The following ANKS1A variants were observed in gnomAD, a reference collection of about 807,000 sequenced individuals.
The protein encoded by ANKS1A is ankyrin repeat and sterile alpha motif domain containing 1A, also known as ankyrin repeat and SAM domain-containing protein 1A.
Under a neutral mutation model 120.3 loss-of-function variants are expected in ANKS1A, and 55 were observed. The observed-to-expected ratio is 0.46, with a 90% CI of 0.37 to 0.57. The LOEUF (loss-of-function observed/expected upper bound fraction) is 0.57. Among genes scored for constraint, ANKS1A ranks in the 20% least tolerant of loss-of-function variants. The pLI, the probability that ANKS1A is intolerant of heterozygous loss-of-function variation, is 0.00. For synonymous variants in ANKS1A, 590 were observed against 604.7 expected, an observed-to-expected ratio of 0.98 and a Z score of 0.36; for missense variants, 1,123 against 1,480.3, an observed-to-expected ratio of 0.76 and a Z score of 3.96.
intron 11 of ANKS1A, among the ~76,000 whole-genome samples, chr6:35,035,887 C>T (rs1475155592): frequency 2.0e-5 from 3 of 152,180 alleles, no homozygotes; most frequent in Non-Finnish European, 4.4e-5. Context: ...AGTGACTGCC[C>T]TTCACAGGTG....
chr6:35,086,488 C>A lies in ANKS1A; in HGVS notation c.3304-464C>A, dbSNP rs951444276. 4.7e-5 allele frequency: 29 copies of A among 622,082 alleles called. No individual in the cohort carries two copies. The highest frequency in any genetic ancestry group is 7.5e-5 in the African/African-American group (4 of 53,102). The allele number at this position is 622,082 out of a possible 1,614,324, so 38.5% of individuals were successfully genotyped here. Reference sequence around the variant, plus strand: ...ATTCTTTCCCCTCTTCCTGAGATGCCCTCTGCCTGTTCTGTGTGTGCTTCA... The same window carrying A: ...ATTCTTTCCCCTCTTCCTGAGATGCACTCTGCCTGTTCTGTGTGTGCTTCA... On this transcript the variant is annotated intron_variant, in intron 22 of 23. Coordinates refer to ENST00000360359, the MANE Select transcript of ANKS1A (RefSeq NM_015245.3). The surrounding 1 kb of genome is among the most constrained non-coding windows in gnomAD (Gnocchi z 5.1).
intron 1 of ANKS1A, among the ~76,000 whole-genome samples, chr6:34,951,211 C>T (rs1214856013): frequency 6.6e-6 from 1 of 151,748 alleles, no homozygotes; most frequent in Non-Finnish European, 1.5e-5. Context: ...AGATTATTTA[C>T]GAAAATTGTA....
rs1224363465 is a variant in ANKS1A at position 35,057,905 on chromosome 6, A to G, written c.2078-2242A>G. 6.6e-6 allele frequency among the ~76,000 whole-genome samples: 1 copy of G among 152,206 alleles called. No homozygotes were observed. Among genetic ancestry groups the G allele is most frequent in the African/African-American group, 2.4e-5 (1 of 41,438 alleles). On this transcript the variant is annotated intron_variant, in intron 12 of 23. Transcript: ENST00000360359. The surrounding 1 kb of genome is among the most constrained non-coding windows in gnomAD (Gnocchi z 4.1). ...CTCCTGGCTGTCCTGGAAACTGTCG[A>G]ACAAAGCTCTAGGAGCAGTCCCTCT... is the stretch of plus-strand genomic sequence containing the variant.
chr6:34,960,552 G>C (rs1770581545), intron 1 of ANKS1A, among the ~76,000 whole-genome samples: 1 of 152,062 alleles, frequency 6.6e-6, no homozygotes, highest in Admixed American at 6.5e-5. Context: ...TCCAAATCCA[G>C]CACAGTGCCC....
chr6:35,027,340 C>T (rs1581667306), intron 11 of ANKS1A, among the ~76,000 whole-genome samples: 2 of 152,078 alleles, frequency 1.3e-5, no homozygotes, highest in East Asian at 3.8e-4. Context: ...AGGAGCCAGG[C>T]CCATAGGTAA....
intron 11 of ANKS1A, among the ~76,000 whole-genome samples, chr6:35,033,994 GCA>G (rs1297211554): frequency 6.6e-6 from 1 of 152,178 alleles, no homozygotes; most frequent in East Asian, 1.9e-4. Flanking sequence ...CATTTACTCA[GCA>G]CCTACTATTG....
chr6:35,092,656 G>A (rs1051149309), downstream of ANKS1A, among the ~76,000 whole-genome samples: 1 of 152,204 alleles, frequency 6.6e-6, no homozygotes, highest in African/African-American at 2.4e-5. Context: ...GAAAGGTCAG[G>A]TCATAACTAG....
In ANKS1A at chr6:35,050,635, C is replaced by A. The variant is rs377218667; in HGVS notation, c.2011-3464C>A. Reference sequence around the variant, plus strand: ...TGATCTTATTTCCTCTCTGCTGGTTCTGGGCATGAGGGTGAGTCTGAGGCA... The same window carrying A: ...TGATCTTATTTCCTCTCTGCTGGTTATGGGCATGAGGGTGAGTCTGAGGCA... On this transcript the variant is annotated intron_variant, in intron 11 of 23. Coordinates refer to ENST00000360359, the MANE Select transcript of ANKS1A (RefSeq NM_015245.3). The surrounding 1 kb of genome is among the most constrained non-coding windows in gnomAD (Gnocchi z 4.3). 2.5e-4 allele frequency among the ~76,000 whole-genome samples: 38 copies of A among 152,310 alleles called. No individual in the cohort carries two copies. Among genetic ancestry groups the A allele is most frequent in the African/African-American group, 8.9e-4 (37 of 41,564 alleles).
chr6:34,966,946 A>G (rs780270975), intron 1 of ANKS1A, among the ~76,000 whole-genome samples: 4 of 152,138 alleles, frequency 2.6e-5, no homozygotes, highest in African/African-American at 4.8e-5. Flanking sequence ...GTCTTTGATG[A>G]CCTTTCAATG....
chr6:35,080,990 A>G lies in ANKS1A; in HGVS notation c.2545-4A>G. 2 of 1,611,504 alleles carry G rather than the reference A, an allele frequency of 1.2e-6. No homozygotes were observed. The highest frequency in any genetic ancestry group is 1.7e-6 in the Non-Finnish European group (2 of 1,178,158). On this transcript the variant is annotated splice_region_variant and splice_polypyrimidine_tract_variant and intron_variant, in intron 16 of 23. Coordinates refer to ENST00000360359, the MANE Select transcript of ANKS1A (RefSeq NM_015245.3). ...AAGTTCCACCTGGATTTTTCCCTCC[A>G]CAGTGCCAAGATTTGCTCTCCCAGA...
chr6:34,978,938 C>T (rs1561886515), intron 3 of ANKS1A, among the ~76,000 whole-genome samples: 1 of 151,648 alleles, frequency 6.6e-6, no homozygotes, highest in Non-Finnish European at 1.5e-5. Context: ...TTCTGTCGCC[C>T]AGGCTGGAGT....
At chr6:35,097,282 A>C in the ANKS1A span, among the ~76,000 whole-genome samples, 4 of 144,130 alleles carry the variant, frequency 2.8e-5, no homozygotes, top group African/African-American at 1.0e-4. Flanking sequence ...GCCGAGGCAG[A>C]CAGCTCACTT....
chr6:34,966,298 T>G lies in ANKS1A; in HGVS notation c.198-941T>G, dbSNP rs940991651. ...GGCTTAATATTAAGAAACCTATTGATAACATATTAGGTTGTAAAATGTGAA... is the reference window on the plus strand; with the variant it reads ...GGCTTAATATTAAGAAACCTATTGAGAACATATTAGGTTGTAAAATGTGAA... On this transcript the variant is annotated intron_variant, in intron 1 of 23. Coordinates refer to ENST00000360359, the MANE Select transcript of ANKS1A (RefSeq NM_015245.3). Among the ~76,000 whole-genome samples the G allele has an allele frequency of 2.0e-5, 3 of 152,238 alleles. No individual in the cohort carries two copies. In the East Asian group the frequency reaches 5.8e-4, roughly 29 times the overall value.
intron 10 of ANKS1A, among the ~76,000 whole-genome samples, chr6:35,012,896 T>G (rs1773837280): frequency 6.6e-6 from 1 of 152,128 alleles, no homozygotes; most frequent in South Asian, 2.1e-4. Context: ...AAGGGCAGAC[T>G]GTGGGGAGGG....
chr6:35,095,090 G>C (rs185549600), downstream of ANKS1A, among the ~76,000 whole-genome samples: 1 of 143,204 alleles, frequency 7.0e-6, no homozygotes, highest in East Asian at 2.1e-4. Context: ...GCAGTGACCT[G>C]TGATCACACC....
intron 1 of ANKS1A, among the ~76,000 whole-genome samples, chr6:34,934,787 TA>T (rs1360820162): frequency 6.6e-6 from 1 of 152,230 alleles, no homozygotes; most frequent in African/African-American, 2.4e-5. Flanking sequence ...ACATCTCAGC[TA>T]AAACAATCTA....
intron 3 of ANKS1A, among the ~76,000 whole-genome samples, chr6:34,980,207 G>T (rs559485032): frequency 1.3e-5 from 2 of 152,260 alleles, no homozygotes; most frequent in African/African-American, 2.4e-5. Context: ...TCTGGCCAGC[G>T]AAGGCTGTTG....
intron 1 of ANKS1A, among the ~76,000 whole-genome samples, chr6:34,920,140 C>T (rs760354142): frequency 3.3e-5 from 5 of 151,980 alleles, no homozygotes; most frequent in Non-Finnish European, 7.4e-5. Context: ...GGTCTGCTTG[C>T]CTGTTTTGTC....
In ANKS1A at chr6:35,083,833, G is replaced by T. The variant is rs532474045; in HGVS notation, c.2995-288G>T. ...CCACCGTGTGGGATCCCACCTTCCT[G>T]ACACCCTTCCCACTTTGCCCCCACC... On this transcript the variant is annotated intron_variant, in intron 20 of 23. Coordinates refer to ENST00000360359, the MANE Select transcript of ANKS1A (RefSeq NM_015245.3). 2.0e-5 allele frequency among the ~76,000 whole-genome samples: 3 copies of T among 152,270 alleles called. No individual in the cohort carries two copies. In the East Asian group the frequency reaches 5.8e-4, roughly 29 times the overall value.
Sources: gnomAD v4.1 joint callset for allele counts (sites outside exome capture counted in the v4.1 genomes callset) on GRCh38, gnomAD v4.1.1 for gene constraint, Gnocchi (gnomAD v3.1) non-coding constraint, MANE v1.5 for transcripts, NCBI Gene and HGNC (gene_info 2026-07-23, HGNC 2026-07-21) for gene names.